The following CRBN variants were observed in gnomAD, a reference collection of about 807,000 sequenced individuals.
CRBN encodes cereblon, also known as protein cereblon.
Under a neutral mutation model 62.2 loss-of-function variants are expected in CRBN, and 53 were observed. That is an observed-to-expected ratio of 0.85 (90% CI 0.68 to 1.07). The LOEUF is 1.07. Among genes scored for constraint, CRBN ranks in the 50% least tolerant of loss-of-function variants. The probability of loss-of-function intolerance (pLI) is 0.00; values close to 1 mark genes in which losing one functional copy is unlikely to be tolerated. For synonymous variants in CRBN, 208 were observed against 176.1 expected, an observed-to-expected ratio of 1.18 and a Z score of -1.43; for missense variants, 616 against 531.1, an observed-to-expected ratio of 1.16 and a Z score of -1.57.
At chr3:3,167,329 GA>G (rs1386233753) in intron 5 of CRBN, 2 of 255,888 alleles carry the variant, frequency 7.8e-6, no homozygotes, top group African/African-American at 4.6e-5. Flanking sequence ...CTCAAGAGCC[GA>G]ACATCTAATT....
intron 2 of CRBN, among the ~76,000 whole-genome samples, chr3:3,174,787 G>A (rs1477520988): frequency 6.6e-6 from 1 of 152,086 alleles, no homozygotes; most frequent in East Asian, 1.9e-4. Flanking sequence ...CACAAACACA[G>A]AAATTCAAGA....
intron 10 of CRBN, among the ~76,000 whole-genome samples, chr3:3,151,331 G>A (rs538778955): frequency 1.3e-5 from 2 of 152,070 alleles, no homozygotes; most frequent in Non-Finnish European, 2.9e-5. Context: ...ATTGCTGGTT[G>A]CCAAGACCAC....
intron 2 of CRBN, among the ~76,000 whole-genome samples, chr3:3,174,613 C>G (rs189596001): frequency 1.1e-4 from 16 of 151,844 alleles, no homozygotes; most frequent in Admixed American, 5.9e-4. Flanking sequence ...TGCACTCACT[C>G]GAGCTTGGGC....
chr3:3,177,598 C>A (rs191719010), intron 1 of CRBN, among the ~76,000 whole-genome samples: 16 of 152,326 alleles, frequency 1.1e-4, no homozygotes, highest in African/African-American at 3.6e-4. Context: ...GCATGCAGCA[C>A]AACCCACTTT....
chr3:3,167,381 CAA>C (rs1026480841), intron 5 of CRBN: 9 of 354,750 alleles, frequency 2.5e-5, no homozygotes, highest in African/African-American at 8.6e-5. Flanking sequence ...AATTAAAAAT[CAA>C]AAGCGATTAA....
At chr3:3,155,121 C>G in intron 6 of CRBN, 1 of 414,586 alleles carries the variant, frequency 2.4e-6, no homozygotes, top group Non-Finnish European at 4.4e-6. Context: ...GAACTGGCCT[C>G]TCTTCTGCCT....
At position 3,150,905 on chromosome 3, in the gene CRBN, T is replaced by C; in HGVS notation, c.1289A>G (p.Glu430Gly). 1 of 1,614,002 alleles carries C rather than the reference T, an allele frequency of 6.2e-7. No homozygotes were observed. Reference sequence around the variant, plus strand: ...TACTTTGTCTGGACTTATTTCATCTTCAGTGTCTGGGATCGTGGGCAACAG... The same window carrying C: ...TACTTTGTCTGGACTTATTTCATCTCCAGTGTCTGGGATCGTGGGCAACAG... ...SALLPTIPDT[E>G]DEISPDKVIL... is the part of the protein sequence containing the mutation. Residue 430 changes from glutamate to glycine, a missense_variant, in exon 11 of 11, where the codon GAA becomes GGA. Transcript: ENST00000231948.
rs1296331545 is a variant in CRBN, at chr3:3,150,072, T to G, written c.*793A>C. On this transcript the variant is annotated 3_prime_UTR_variant, in exon 11 of 11. Coordinates refer to ENST00000231948, the MANE Select transcript of CRBN (RefSeq NM_016302.4). ...TTTCTTCAATTTACATTGAACAAAA[T>G]AATACAGTATCAAGTTTAGTCTGGG... 2.0e-5 allele frequency: 3 copies of G among 152,314 alleles called. No homozygotes were observed. The East Asian group carries it at 5.8e-4, about 29-fold the overall frequency. The allele number at this position is 152,314 out of a possible 1,614,324, so 9.4% of individuals were successfully genotyped here.
In CRBN at chr3:3,154,749, A is replaced by G; in HGVS notation, c.833T>C (p.Ile278Thr). Residue 278 changes from isoleucine (I) to threonine (T), a missense_variant and splice_region_variant, in exon 7 of 11, where the codon ATA becomes ACA. Transcript: ENST00000231948. Reference sequence around the variant, plus strand: ...GGCAGGAAACTAACTTTTCATACCTATTGGATTTGAAGGAAGAGAATCATC... The same window carrying G: ...GGCAGGAAACTAACTTTTCATACCTGTTGGATTTGAAGGAAGAGAATCATC... The part of the protein sequence containing the change: ...LKDDSLPSNP[I>T]DFSYRVAACL... 2 of 1,569,834 alleles carry G rather than the reference A, an allele frequency of 1.3e-6. No homozygotes were observed. The highest frequency in any genetic ancestry group is 1.8e-6 in the Non-Finnish European group (2 of 1,139,856).
intron 1 of CRBN, among the ~76,000 whole-genome samples, chr3:3,176,155 A>G (rs754476371): frequency 3.3e-5 from 5 of 152,148 alleles, no homozygotes; most frequent in Admixed American, 6.5e-5. Context: ...AAATTCTTCT[A>G]TATGGGAGAT....
intron 5 of CRBN, among the ~76,000 whole-genome samples, chr3:3,157,192 A>G (rs931628656): frequency 1.3e-5 from 2 of 152,260 alleles, no homozygotes; most frequent in African/African-American, 4.8e-5. Context: ...CAGTGCTAAT[A>G]GCAACAAATT....
At chr3:3,155,882 C>T (rs934602983) in intron 6 of CRBN, 5 of 269,332 alleles carry the variant, frequency 1.9e-5, no homozygotes, top group Admixed American at 4.9e-5. Context: ...TCTCAGCTCA[C>T]GGCAGCCTTG....
At chr3:3,171,763 G>GT (rs1275558152) in intron 4 of CRBN, among the ~76,000 whole-genome samples, 1 of 152,026 alleles carries the variant, frequency 6.6e-6, no homozygotes, top group Non-Finnish European at 1.5e-5. Context: ...TGCTCACATT[G>GT]TTTTTTCAGT....
In CRBN at chr3:3,157,815, G is replaced by A. The variant is rs187368813; in HGVS notation, c.688-1534C>T. Among the ~76,000 whole-genome samples the A allele has an allele frequency of 3.5e-4, 54 of 152,284 alleles. No individual in the cohort carries two copies. In the East Asian group the frequency reaches 9.5e-3, roughly 27 times the overall value. On this transcript the variant is annotated intron_variant, in intron 5 of 10. Coordinates refer to ENST00000231948, the MANE Select transcript of CRBN (RefSeq NM_016302.4). ...TTTAACAGAAGACTAGAATCTATGAGACAATGTTATTCTATTCCATGCTGT... is the reference window on the plus strand; with the variant it reads ...TTTAACAGAAGACTAGAATCTATGAAACAATGTTATTCTATTCCATGCTGT...
In CRBN at chr3:3,179,644, C is replaced by T; in HGVS notation, c.44G>A (p.Gly15Asp). 1 of 1,613,200 alleles carries T rather than the reference C, an allele frequency of 6.2e-7. No homozygotes were observed. Among genetic ancestry groups the T allele is most frequent in the Non-Finnish European group, 8.5e-7 (1 of 1,179,636 alleles). ...ACCAGGCAGGAGCGGCAGGTGGTTG[C>T]CCATGTTGTGCGCAGCGTCCTGCTG... is the stretch of plus-strand genomic sequence containing the variant. ...GDQQDAAHNMGNHLPLLPAES... is the reference protein window; with the variant it reads ...GDQQDAAHNMDNHLPLLPAES... The change falls in exon 1 of 11, where the codon GGC becomes GAC. Residue 15 changes from glycine (G) to aspartate (D), a missense_variant. Transcript: ENST00000231948.
chr3:3,156,623 C>T, intron 5 of CRBN: 3 of 284,366 alleles, frequency 1.1e-5, no homozygotes, highest in Non-Finnish European at 2.0e-5. Flanking sequence ...ATTACTTGTC[C>T]AGTATCTGAA....
At chr3:3,175,029 C>CATT in intron 2 of CRBN, 134 bp downstream of exon 2, 1 of 152,732 alleles carries the variant, frequency 6.5e-6, no homozygotes, top group Non-Finnish European at 1.8e-5. Context: ...TGTTTATCTA[C>CATT]TGGCAAATAG....
At chr3:3,154,978 T>A in intron 6 of CRBN, 147 bp from the exon 7 acceptor site, 1 of 653,582 alleles carries the variant, frequency 1.5e-6, no homozygotes, top group Non-Finnish European at 2.7e-6. Flanking sequence ...CATTTTCGTA[T>A]GCAGCAATGA....
intron 5 of CRBN, among the ~76,000 whole-genome samples, chr3:3,163,887 TC>T (rs1707230933): frequency 6.6e-6 from 1 of 152,226 alleles, no homozygotes; most frequent in Admixed American, 6.5e-5. Flanking sequence ...AAGCCATTTT[TC>T]CAACAGCATG....
Sources: gnomAD v4.1 joint callset for allele counts (sites outside exome capture counted in the v4.1 genomes callset) on GRCh38, gnomAD v4.1.1 for gene constraint, MANE v1.5 for transcripts, NCBI Gene and HGNC (gene_info 2026-07-23, HGNC 2026-07-21) for gene names.